KCNIP4: variants seen among roughly 807,000 people sequenced by gnomAD.
KCNIP4 encodes Kv channel-interacting protein 4.
KCNIP4 carries 12 observed loss-of-function variants against 34.0 expected under a neutral mutation model. That is an observed-to-expected ratio of 0.35 (90% CI 0.23 to 0.57). The LOEUF (loss-of-function observed/expected upper bound fraction) is 0.57, where lower values mean the gene tolerates loss of function less well. KCNIP4 is among the 20% of genes least tolerant of loss of function. KCNIP4 has a pLI of 0.83. For missense variants in KCNIP4, 238 were observed against 311.7 expected, an observed-to-expected ratio of 0.76 and a Z score of 1.78; for synonymous variants, 124 against 102.2, an observed-to-expected ratio of 1.21 and a Z score of -1.29.
chr4:21,218,346 C>T (rs1031273828), intron 1 of KCNIP4, among the ~76,000 whole-genome samples: 2 of 152,002 alleles, frequency 1.3e-5, no homozygotes, highest in East Asian at 3.9e-4. Flanking sequence ...ATTTGGTGTG[C>T]TTTCCAGTAC....
intron 1 of KCNIP4, among the ~76,000 whole-genome samples, chr4:21,221,990 G>A (rs978123072): frequency 6.6e-6 from 1 of 152,084 alleles, no homozygotes; most frequent in Non-Finnish European, 1.5e-5. Context: ...CCAGTATTTA[G>A]ACACATCTAT....
At chr4:20,883,903 G>A (rs1027900184) in intron 1 of KCNIP4, among the ~76,000 whole-genome samples, 1 of 152,166 alleles carries the variant, frequency 6.6e-6, no homozygotes, top group Non-Finnish European at 1.5e-5. Flanking sequence ...GCTTCATGTT[G>A]TTTTTCTATC....
intron 1 of KCNIP4, among the ~76,000 whole-genome samples, chr4:21,170,215 T>C (rs1162999025): frequency 6.6e-6 from 1 of 152,160 alleles, no homozygotes; most frequent in East Asian, 1.9e-4. Flanking sequence ...AAATTATAGG[T>C]TAAGCATGGT....
chr4:20,767,973 G>A (rs192378974), intron 3 of KCNIP4, among the ~76,000 whole-genome samples: 47 of 152,204 alleles, frequency 3.1e-4, no homozygotes, highest in Admixed American at 2.5e-3. Context: ...TAGTCTGCTC[G>A]GTCTATCAGT....
chr4:21,171,336 G>A (rs879464726), intron 1 of KCNIP4, among the ~76,000 whole-genome samples: 7 of 152,274 alleles, frequency 4.6e-5, no homozygotes, highest in Admixed American at 3.3e-4. Flanking sequence ...AATAAAAGTA[G>A]ATCCTGCAGA....
chr4:21,757,298 A>G (rs1039602422), intron 1 of KCNIP4, among the ~76,000 whole-genome samples: 3 of 150,850 alleles, frequency 2.0e-5, no homozygotes, highest in Non-Finnish European at 4.4e-5. Flanking sequence ...AGAAAAGAAA[A>G]GAAAAGAGAA....
chr4:21,134,583 A>C (rs1751354806), intron 1 of KCNIP4, among the ~76,000 whole-genome samples: 1 of 152,190 alleles, frequency 6.6e-6, no homozygotes, highest in Non-Finnish European at 1.5e-5. Context: ...GTTTGCTTTT[A>C]CATCACTAAG....
intron 1 of KCNIP4, among the ~76,000 whole-genome samples, chr4:20,909,437 G>T (rs1044881133): frequency 3.3e-5 from 5 of 152,092 alleles, no homozygotes; most frequent in African/African-American, 1.2e-4. Context: ...AGCATCTTGA[G>T]ATTTTATAAC....
intron 1 of KCNIP4, among the ~76,000 whole-genome samples, chr4:21,280,761 TG>T (rs1411465267): frequency 6.6e-6 from 1 of 152,218 alleles, no homozygotes; most frequent in Non-Finnish European, 1.5e-5. Context: ...ATTAGAACAC[TG>T]GAAAACCTAC....
Position 21,234,270 on chromosome 4 carries a change from CATATATT to C in KCNIP4, c.62-351568_62-351562del, listed in dbSNP as rs1426984406. 2.9e-5 allele frequency among the ~76,000 whole-genome samples: 3 copies of C among 103,502 alleles called. 1 individual carries two copies. The highest frequency in any genetic ancestry group is 1.3e-4 in the African/African-American group (3 of 22,862). The allele number at this position is 103,502 out of a possible 152,430, so 67.9% of individuals were successfully genotyped here. ...CATATATTATATATAACATATATAA[CATATATT>C]ATATATAACATATATTATATATAAC... On this transcript the variant is annotated intron_variant, in intron 1 of 8. Transcript: ENST00000382152.
intron 1 of KCNIP4, among the ~76,000 whole-genome samples, chr4:21,216,358 A>G (rs1757576753): frequency 6.6e-6 from 1 of 152,232 alleles, no homozygotes; most frequent in South Asian, 2.1e-4. Flanking sequence ...TAATTTTTAA[A>G]ACGTAGTTTA....
intron 1 of KCNIP4, among the ~76,000 whole-genome samples, chr4:21,553,793 G>A (rs1738770313): frequency 6.6e-6 from 1 of 152,104 alleles, no homozygotes; most frequent in African/African-American, 2.4e-5. Context: ...AATCAAGAGA[G>A]TGTCTGTTCT....
intron 1 of KCNIP4, among the ~76,000 whole-genome samples, chr4:21,602,707 G>A (rs994868237): frequency 1.3e-5 from 2 of 152,112 alleles, no homozygotes; most frequent in Non-Finnish European, 1.5e-5. Flanking sequence ...TGCAACTGTA[G>A]CTGTGGGTAC....
intron 1 of KCNIP4, among the ~76,000 whole-genome samples, chr4:21,179,623 T>A (rs1754696241): frequency 6.6e-6 from 1 of 152,198 alleles, no homozygotes; most frequent in Non-Finnish European, 1.5e-5. Context: ...GCATGTGATG[T>A]CTGCAGGCAG....
intron 1 of KCNIP4, among the ~76,000 whole-genome samples, chr4:21,854,934 G>A (rs182410499): frequency 5.7e-4 from 86 of 152,174 alleles, no homozygotes; most frequent in Non-Finnish European, 2.2e-4. Context: ...GGATCATTAG[G>A]GCCTTTTCTT....
chr4:21,458,148 C>T (rs1420477484), intron 1 of KCNIP4, among the ~76,000 whole-genome samples: 10 of 119,206 alleles, frequency 8.4e-5, no homozygotes, highest in Non-Finnish European at 1.7e-4. Flanking sequence ...CCCCCCTCCC[C>T]CCACCCTACC....
intron 3 of KCNIP4, among the ~76,000 whole-genome samples, chr4:20,771,149 T>A (rs1755842257): frequency 6.6e-6 from 1 of 152,110 alleles, no homozygotes; most frequent in Non-Finnish European, 1.5e-5. Context: ...CTGAACCCAG[T>A]CCCTCAAGAA....
At chr4:21,817,258 G>A (rs1722043308) in intron 1 of KCNIP4, among the ~76,000 whole-genome samples, 1 of 152,058 alleles carries the variant, frequency 6.6e-6, no homozygotes, top group Admixed American at 6.6e-5. Context: ...TTTTAATATG[G>A]ACATTTATCA....
intron 1 of KCNIP4, among the ~76,000 whole-genome samples, chr4:21,866,584 C>G (rs959608220): frequency 6.6e-5 from 10 of 152,078 alleles, no homozygotes; most frequent in Admixed American, 2.0e-4. Context: ...ATACAAGACA[C>G]TAGAAGAGAA....
Sources: gnomAD v4.1 joint callset for allele counts (sites outside exome capture counted in the v4.1 genomes callset) on GRCh38, gnomAD v4.1.1 for gene constraint, MANE v1.5 for transcripts, NCBI Gene and HGNC (gene_info 2026-07-23, HGNC 2026-07-21) for gene names.